The following CCDC146 variants were observed in gnomAD, a reference collection of about 807,000 sequenced individuals.
The protein encoded by CCDC146 is coiled-coil domain containing 146.
Under a neutral mutation model 119.3 loss-of-function variants are expected in CCDC146, and 92 were observed. The ratio of observed to expected loss-of-function variants is 0.77; its 90% CI spans 0.65 to 0.92. The LOEUF (loss-of-function observed/expected upper bound fraction) is 0.92. Among genes scored for constraint, CCDC146 ranks in the 40% least tolerant of loss-of-function variants. CCDC146 has a pLI of 0.00. For synonymous variants in CCDC146, 372 were observed against 371.8 expected (o/e 1.00, Z -0.01); for missense variants, 1,000 against 1,103.0 (o/e 0.91, Z 1.32).
intron 1 of CCDC146, among the ~76,000 whole-genome samples, chr7:77,144,819 C>T (rs1790989981): frequency 6.6e-6 from 1 of 151,678 alleles, no homozygotes; most frequent in Non-Finnish European, 1.5e-5. Context: ...TTCTGTTTGC[C>T]CGTATTTTAT....
intron 1 of CCDC146, among the ~76,000 whole-genome samples, chr7:77,140,903 C>T (rs903741358): frequency 1.3e-5 from 2 of 151,972 alleles, no homozygotes; most frequent in African/African-American, 4.8e-5. Context: ...ATCACCATCC[C>T]AGTCAAAATT....
At chr7:77,234,740 A>G (rs557803862) in intron 2 of CCDC146, among the ~76,000 whole-genome samples, 189 of 151,824 alleles carry the variant, frequency 1.2e-3, no homozygotes, top group African/African-American at 4.1e-3. Context: ...ATCTCTGGGG[A>G]AAAAAAAAGT....
chr7:77,139,766 A>G (rs963432485), intron 1 of CCDC146, among the ~76,000 whole-genome samples: 20 of 152,132 alleles, frequency 1.3e-4, no homozygotes, highest in African/African-American at 4.3e-4. Context: ...GATTAAGTAG[A>G]AAATTGTAAG....
chr7:77,256,953 A>T (rs2150509635), intron 6 of CCDC146, among the ~76,000 whole-genome samples: 1 of 152,132 alleles, frequency 6.6e-6, no homozygotes, highest in South Asian at 2.1e-4. Flanking sequence ...AAAATACAAA[A>T]ATTAGCCGGG....
chr7:77,152,536 G>C (rs1225981294), intron 1 of CCDC146, among the ~76,000 whole-genome samples: 1 of 152,184 alleles, frequency 6.6e-6, no homozygotes, highest in African/African-American at 2.4e-5. Flanking sequence ...ACTTAGAGTT[G>C]ACTTGTATTC....
chr7:77,203,045 C>A (rs971825564), intron 2 of CCDC146, among the ~76,000 whole-genome samples: 2 of 95,584 alleles, frequency 2.1e-5, no homozygotes, highest in East Asian at 4.2e-4. Context: ...CCCCCCCCCC[C>A]AGGACTATTT....
chr7:77,127,044 C>T (rs1043309204), intron 1 of CCDC146, among the ~76,000 whole-genome samples: 4 of 152,142 alleles, frequency 2.6e-5, no homozygotes, highest in Non-Finnish European at 4.4e-5. Context: ...GGTCAGGCAG[C>T]GGGAGCAGAC....
chr7:77,258,479 A>G (rs1793223722), intron 6 of CCDC146, among the ~76,000 whole-genome samples: 1 of 152,096 alleles, frequency 6.6e-6, no homozygotes, highest in Non-Finnish European at 1.5e-5. Context: ...TCCGTTTTTC[A>G]TTTTCAGTAT....
At chr7:77,247,628 A>C (rs757383703) in intron 4 of CCDC146, among the ~76,000 whole-genome samples, 56 of 152,236 alleles carry the variant, frequency 3.7e-4, no homozygotes, top group Non-Finnish European at 5.4e-4. Flanking sequence ...TCCCATTAAA[A>C]AGTAGGCAAA....
In CCDC146 at chr7:77,250,858, T is replaced by C. The variant is rs1019654212; in HGVS notation, c.450-3648T>C. 4.7e-5 allele frequency among the ~76,000 whole-genome samples: 7 copies of C among 147,646 alleles called. No individual in the cohort carries two copies. The Admixed American group carries it at 4.9e-4, about 10-fold the overall frequency. On this transcript the variant is annotated intron_variant, in intron 4 of 18. Transcript: ENST00000285871. Reference sequence around the variant, plus strand: ...TTTTTTTTTTTTCCAGTTTGGGTAGTGTCTAGTAAGATATCCTCAAGCTCA... The same window carrying C: ...TTTTTTTTTTTTCCAGTTTGGGTAGCGTCTAGTAAGATATCCTCAAGCTCA...
intron 1 of CCDC146, among the ~76,000 whole-genome samples, chr7:77,135,407 G>T (rs1168796954): frequency 6.6e-6 from 1 of 151,770 alleles, no homozygotes; most frequent in Non-Finnish European, 1.5e-5. Context: ...AAGACTGTTT[G>T]AGGCCAGAAG....
intron 2 of CCDC146, among the ~76,000 whole-genome samples, chr7:77,209,733 G>T (rs1188679955): frequency 6.6e-6 from 1 of 152,238 alleles, no homozygotes. Flanking sequence ...GCTAGGCAGA[G>T]GCTCCAAAAC....
At chr7:77,123,941 G>C (rs1790660577) in intron 1 of CCDC146, among the ~76,000 whole-genome samples, 1 of 152,056 alleles carries the variant, frequency 6.6e-6, no homozygotes, top group Non-Finnish European at 1.5e-5. Context: ...TGTTTCATTG[G>C]TTATAATTAT....
intron 8 of CCDC146, among the ~76,000 whole-genome samples, chr7:77,261,862 T>C (rs1479055069): frequency 2.0e-5 from 3 of 152,200 alleles, no homozygotes; most frequent in African/African-American, 7.2e-5. Context: ...GGCATTTAGG[T>C]TGGTTCTATG....
At chr7:77,131,038 CA>C (rs1364303544) in intron 1 of CCDC146, among the ~76,000 whole-genome samples, 1 of 151,956 alleles carries the variant, frequency 6.6e-6, no homozygotes, top group Non-Finnish European at 1.5e-5. Flanking sequence ...AATACTGGCG[CA>C]TGCCACCACA....
intron 4 of CCDC146, among the ~76,000 whole-genome samples, chr7:77,247,079 G>A (rs981498232): frequency 2.6e-5 from 4 of 152,074 alleles, no homozygotes; most frequent in African/African-American, 9.7e-5. Flanking sequence ...TTTAAAATAA[G>A]TTTATTAAAA....
intron 9 of CCDC146, among the ~76,000 whole-genome samples, chr7:77,269,569 A>G (rs1346632559): frequency 3.9e-5 from 6 of 152,248 alleles, no homozygotes; most frequent in African/African-American, 1.2e-4. Context: ...TATGTGAGGC[A>G]TGGCCTTTGA....
chr7:77,236,094 T>TAAATAAATAAATAAA (rs6150171), intron 2 of CCDC146, among the ~76,000 whole-genome samples: 1 of 151,830 alleles, frequency 6.6e-6, no homozygotes, highest in Non-Finnish European at 1.5e-5. Flanking sequence ...AATAAATAAA[T>TAAATAAATAAATAAA]GTAAGAACAA....
intron 2 of CCDC146, among the ~76,000 whole-genome samples, chr7:77,201,501 C>T (rs1277517899): frequency 1.3e-5 from 2 of 151,820 alleles, no homozygotes; most frequent in African/African-American, 4.8e-5. Context: ...TTGCAGTGAG[C>T]CTAGATCGTA....
Sources: gnomAD v4.1 joint callset for allele counts (sites outside exome capture counted in the v4.1 genomes callset) on GRCh38, gnomAD v4.1.1 for gene constraint, MANE v1.5 for transcripts, NCBI Gene and HGNC (gene_info 2026-07-23, HGNC 2026-07-21) for gene names.